PTPRJ: variants seen among roughly 807,000 people sequenced by gnomAD.
PTPRJ encodes protein tyrosine phosphatase receptor type J, also known as receptor-type tyrosine-protein phosphatase eta.
A neutral mutation model predicts 141.3 loss-of-function variants in PTPRJ; 129 were observed. The observed-to-expected ratio is 0.91, with a 90% CI of 0.79 to 1.06. The LOEUF is 1.06. PTPRJ is among the 50% of genes least tolerant of loss of function. The probability of loss-of-function intolerance (pLI) is 0.00; values close to 1 mark genes in which losing one functional copy is unlikely to be tolerated. For synonymous variants in PTPRJ, 610 were observed against 640.5 expected (o/e 0.95, Z 0.72); for missense variants, 1,601 against 1,679.7 (o/e 0.95, Z 0.82).
chr11:48,090,825 C>T (rs1248277560), intron 1 of PTPRJ, among the ~76,000 whole-genome samples: 1 of 152,092 alleles, frequency 6.6e-6, no homozygotes, highest in Non-Finnish European at 1.5e-5. Flanking sequence ...CCTGGTCCTG[C>T]CCGCCTGGTC....
intron 1 of PTPRJ, among the ~76,000 whole-genome samples, chr11:48,082,720 C>G (rs1242794766): frequency 6.6e-6 from 1 of 151,646 alleles, no homozygotes; most frequent in Admixed American, 6.6e-5. Context: ...GGCCCAGTTG[C>G]TCTTTACATG....
At chr11:48,109,657 C>A (rs1341116234) in intron 1 of PTPRJ, among the ~76,000 whole-genome samples, 1 of 150,326 alleles carries the variant, frequency 6.7e-6, no homozygotes, top group Non-Finnish European at 1.5e-5. Flanking sequence ...ATCCCCCCCA[C>A]CCAACCCCCT....
intron 1 of PTPRJ, among the ~76,000 whole-genome samples, chr11:47,999,101 T>A (rs1031641869): frequency 6.6e-6 from 1 of 152,212 alleles, no homozygotes; most frequent in African/African-American, 2.4e-5. Context: ...AAAGACAATG[T>A]CCTAGTGAGT....
At chr11:48,121,574 A>G (rs555291637) in intron 4 of PTPRJ, among the ~76,000 whole-genome samples, 14 of 152,332 alleles carry the variant, frequency 9.2e-5, no homozygotes, top group Non-Finnish European at 1.0e-4. Context: ...GCGTGTCTTC[A>G]TGGTAATTAC....
At chr11:48,097,539 A>C (rs1856041255) in intron 1 of PTPRJ, among the ~76,000 whole-genome samples, 1 of 151,776 alleles carries the variant, frequency 6.6e-6, no homozygotes, top group Admixed American at 6.6e-5. Context: ...CACCTGAAGA[A>C]AATTTTTTTT....
intron 1 of PTPRJ, among the ~76,000 whole-genome samples, chr11:48,029,631 G>C (rs936075747): frequency 7.2e-5 from 11 of 152,112 alleles, no homozygotes; most frequent in African/African-American, 2.7e-4. Flanking sequence ...ATATATAAAG[G>C]GTGCTCATAG....
intron 7 of PTPRJ, 38 bp downstream of exon 7, chr11:48,128,081 G>A: frequency 3.8e-6 from 6 of 1,586,058 alleles, no homozygotes; most frequent in Non-Finnish European, 5.2e-6. Context: ...CTTTCCTGCT[G>A]TCCTGCTCCG....
At chr11:48,090,574 G>A (rs533908298) in intron 1 of PTPRJ, among the ~76,000 whole-genome samples, 22 of 152,304 alleles carry the variant, frequency 1.4e-4, no homozygotes, top group Admixed American at 1.2e-3. Flanking sequence ...CGTGGGCTTC[G>A]CAGGCTGTTT....
At chr11:48,033,891 C>G (rs568708449) in intron 1 of PTPRJ, among the ~76,000 whole-genome samples, 3 of 152,220 alleles carry the variant, frequency 2.0e-5, no homozygotes, top group African/African-American at 4.8e-5. Context: ...TTAGCAGATA[C>G]AGAGCGTTTG....
chr11:48,137,400 G>A, intron 10 of PTPRJ, 119 bp downstream of exon 10: 7 of 1,067,980 alleles, frequency 6.6e-6, no homozygotes, highest in Non-Finnish European at 9.4e-6. Context: ...TGGACATTGA[G>A]CTTTCCGAGG....
intron 1 of PTPRJ, among the ~76,000 whole-genome samples, chr11:48,006,196 C>T (rs1371644316): frequency 6.6e-6 from 1 of 152,168 alleles, no homozygotes; most frequent in African/African-American, 2.4e-5. Flanking sequence ...TTGGGCTGAT[C>T]TTGTCTCTTT....
At chr11:48,044,308 G>C (rs1854338890) in intron 1 of PTPRJ, among the ~76,000 whole-genome samples, 2 of 152,218 alleles carry the variant, frequency 1.3e-5, no homozygotes, top group African/African-American at 2.4e-5. Flanking sequence ...TCGGGGGTGG[G>C]AAATGTAACC....
intron 1 of PTPRJ, among the ~76,000 whole-genome samples, chr11:48,041,941 G>T (rs1854280859): frequency 7.1e-6 from 1 of 141,572 alleles, no homozygotes; most frequent in South Asian, 2.4e-4. Flanking sequence ...AATTTTAGGT[G>T]CTTGGGCCCT....
chr11:48,137,061 T>C lies in PTPRJ; in HGVS notation c.1932T>C (p.Ser644=), dbSNP rs200897674. The change falls in exon 10 of 25, where the codon AGT becomes AGC. Residue 644 remains serine (S), a synonymous_variant. Coordinates refer to ENST00000418331, the MANE Select transcript of PTPRJ (RefSeq NM_002843.4). ...VSTNTTAATL[S]WQNFDDASPT... ...CCAACACCACAGCAGCAACTTTAAG[T>C]TGGCAGAACTTTGATGACGCCTCTC... The C allele has an allele frequency of 6.9e-6, 11 of 1,604,036 alleles. No individual in the cohort carries two copies. The highest frequency in any genetic ancestry group is 1.7e-6 in the Non-Finnish European group (2 of 1,170,866).
intron 1 of PTPRJ, among the ~76,000 whole-genome samples, chr11:47,997,598 A>C (rs2134186380): frequency 6.6e-6 from 1 of 152,190 alleles, no homozygotes; most frequent in East Asian, 1.9e-4. Flanking sequence ...AAATGGGAGT[A>C]ACTGATACTT....
chr11:48,064,506 C>T (rs189250256), intron 1 of PTPRJ, among the ~76,000 whole-genome samples: 65 of 152,252 alleles, frequency 4.3e-4, no homozygotes, highest in African/African-American at 1.4e-3. Context: ...AGAGTCTGCC[C>T]GAGCCTTTCC....
chr11:47,984,236 A>G (rs997354899), intron 1 of PTPRJ, among the ~76,000 whole-genome samples: 7 of 152,168 alleles, frequency 4.6e-5, no homozygotes, highest in African/African-American at 1.7e-4. Flanking sequence ...TTGGTCAGCA[A>G]AGGGGTTATT....
chr11:48,147,508 TCACCGTGTGCCTG>T (rs1443984271), intron 15 of PTPRJ, among the ~76,000 whole-genome samples: 1 of 152,234 alleles, frequency 6.6e-6, no homozygotes, highest in Admixed American at 6.5e-5. Context: ...TTTTGAGTGC[TCACCGTGTGCCTG>T]CATCTGTGCT....
At position 48,077,735 on chromosome 11, in the gene PTPRJ, C is replaced by T. The variant is rs199973829; in HGVS notation, c.97-32323C>T. ...CCGAAATCCTGACCTCATAATGGCT[C>T]ATGAATCCCTATTCAACCTTCAAGA... On this transcript the variant is annotated intron_variant, in intron 1 of 24. Coordinates refer to ENST00000418331, the MANE Select transcript of PTPRJ (RefSeq NM_002843.4). Among the ~76,000 whole-genome samples, 9 of 152,316 alleles carry T rather than the reference C, an allele frequency of 5.9e-5. No homozygotes were observed. The East Asian group carries it at 1.4e-3, about 23-fold the overall frequency.
Sources: allele counts gnomAD v4.1 joint callset (sites outside exome capture counted in the v4.1 genomes callset), GRCh38; gene constraint gnomAD v4.1.1; transcripts MANE v1.5; gene names NCBI Gene and HGNC (gene_info 2026-07-23, HGNC 2026-07-21).